Variants in AP4M1 observed in about 807,000 individuals in gnomAD.
AP4M1 encodes AP-4 complex subunit mu-1.
A neutral mutation model predicts 62.4 loss-of-function variants in AP4M1; 58 were observed. The ratio of observed to expected loss-of-function variants is 0.93; its 90% CI spans 0.75 to 1.16. The LOEUF (loss-of-function observed/expected upper bound fraction) is 1.16, where lower values mean the gene tolerates loss of function less well. AP4M1 is among the 50% of genes most tolerant of loss of function. The pLI, the probability that AP4M1 is intolerant of heterozygous loss-of-function variation, is 0.00. For synonymous variants in AP4M1, 290 were observed against 239.7 expected (o/e 1.21, Z -1.94); for missense variants, 626 against 585.4 (o/e 1.07, Z -0.72).
chr7:100,106,166 G>C, intron 12 of AP4M1, 75 bp from the exon 13 acceptor site: 2 of 1,584,444 alleles, frequency 1.3e-6, no homozygotes, highest in Non-Finnish European at 1.7e-6. Context: ...CTGAAATCCT[G>C]TTATGACATT....
Position 100,107,648 on chromosome 7 carries a change from G to T in AP4M1, c.*766G>T. ...CCTGGATAGAAAGGAAAGGCAGGCCGCTTGCCCTGTGCCCTCCCTGCCCCC... is the reference window on the plus strand; with the variant it reads ...CCTGGATAGAAAGGAAAGGCAGGCCTCTTGCCCTGTGCCCTCCCTGCCCCC... On this transcript the variant is annotated 3_prime_UTR_variant, in exon 15 of 15. Transcript: ENST00000359593. 1 of 1,604,974 alleles carries T rather than the reference G, an allele frequency of 6.2e-7. No individual in the cohort carries two copies.
upstream of AP4M1, chr7:100,101,483 GC>G (rs1214433202): frequency 2.5e-6 from 2 of 814,624 alleles, no homozygotes; most frequent in Middle Eastern, 3.4e-4. Context: ...CCCGCTAGCC[GC>G]AAGCCAATCA....
intron 10 of AP4M1, 44 bp downstream of exon 10, chr7:100,105,390 A>AG (rs1562909936): frequency 1.2e-6 from 2 of 1,612,334 alleles, no homozygotes; most frequent in East Asian, 4.5e-5. Context: ...ACCATGGGGA[A>AG]GGGGGCAGTG....
intron 13 of AP4M1, 35 bp from the exon 14 acceptor site, chr7:100,106,368 T>C: frequency 6.2e-7 from 1 of 1,612,836 alleles, no homozygotes; most frequent in Non-Finnish European, 8.5e-7. Flanking sequence ...CTCAAGAAGG[T>C]GCCAAGCCCA....
At position 100,106,921 on chromosome 7, in the gene AP4M1, T is replaced by G; in HGVS notation, c.*39T>G. On this transcript the variant is annotated 3_prime_UTR_variant, in exon 15 of 15. Transcript: ENST00000359593. ...AGGACACGACGGCCAAGGTGGCAGT[T>G]TGTCCCACGGGAGGACAGTCGTTTC... 1 of 1,591,244 alleles carries G rather than the reference T, an allele frequency of 6.3e-7. No individual in the cohort carries two copies. The highest frequency in any genetic ancestry group is 8.5e-7 in the Non-Finnish European group (1 of 1,170,454).
chr7:100,107,278 G>A lies in AP4M1; in HGVS notation c.*396G>A, dbSNP rs753796652. The A allele has an allele frequency of 6.6e-6, 10 of 1,524,162 alleles. No homozygotes were observed. The highest frequency in any genetic ancestry group is 2.2e-5 in the Admixed American group (1 of 45,038). The allele number at this position is 1,524,162 out of a possible 1,614,324, so 94.4% of individuals were successfully genotyped here. ...GCAGGCTGAGGGGAGCCGGAGTTGG[G>A]CTGGGAGCCATTGGCTTTTGGAGTC... On this transcript the variant is annotated 3_prime_UTR_variant, in exon 15 of 15. Transcript: ENST00000359593.
Position 100,107,697 on chromosome 7 carries a change from A to C in AP4M1, c.*815A>C, listed in dbSNP as rs4134927. The stretch of plus-strand genomic sequence containing the variant: ...CCCAGAGGCCTGGCGAGGACGCTTC[A>C]CTCGCTCCCTGCCTGAACAAGTTGT... On this transcript the variant is annotated 3_prime_UTR_variant, in exon 15 of 15. Transcript: ENST00000359593. 0.043 allele frequency: 67,367 copies of C among 1,561,990 alleles called. 1,519 individuals carry two copies. The highest frequency in any genetic ancestry group is 0.056 in the Middle Eastern group (240 of 4,308).
Position 100,108,318 on chromosome 7 carries a change from G to T in AP4M1, c.*1436G>T. 6.4e-7 allele frequency: 1 copy of T among 1,553,018 alleles called. No individual in the cohort carries two copies. Among genetic ancestry groups the T allele is most frequent in the Non-Finnish European group, 8.7e-7 (1 of 1,150,532 alleles). On this transcript the variant is annotated 3_prime_UTR_variant, in exon 15 of 15. Coordinates refer to ENST00000359593, the MANE Select transcript of AP4M1 (RefSeq NM_004722.4). ...GTGTGCAAGTGCCTGTCCCACACAG[G>T]GGTTCTCCTCTGCTTCCTCCTATTC...
Position 100,102,198 on chromosome 7 carries a change from T to A in AP4M1, c.147+230T>A, listed in dbSNP as rs374322033. The A allele has an allele frequency of 1.3e-5, 8 of 625,296 alleles. No homozygotes were observed. In the East Asian group the frequency reaches 1.4e-4, roughly 11 times the overall value. The allele number at this position is 625,296 out of a possible 1,614,324, so 38.7% of individuals were successfully genotyped here. The stretch of plus-strand genomic sequence containing the variant: ...GAGTTCGAAATCAGCCTGGCCAACA[T>A]GGTGAAACTCCGCCTCTACTAAAAA... On this transcript the variant is annotated intron_variant, in intron 2 of 14. Transcript: ENST00000359593.
Position 100,104,280 on chromosome 7 carries a change from G to A in AP4M1, c.606+126G>A. ...TGCTTGTAATCCCAGTGCTTTGGGA[G>A]GCCGAGGTGGGAGAATTACTTGGGG... On this transcript the variant is annotated intron_variant, in intron 7 of 14. Transcript: ENST00000359593. The A allele has an allele frequency of 4.9e-6, 4 of 822,600 alleles. No individual in the cohort carries two copies. In the Admixed American group the frequency reaches 6.0e-5, roughly 12 times the overall value. 51.0% of individuals were successfully genotyped at this position (822,600 alleles called of 1,614,324 possible). A position where few individuals can be genotyped will look rare whatever the true frequency, so the allele number is the denominator to read the frequency against.
rs772854398 is a variant in AP4M1 at position 100,102,908 on chromosome 7, G to T, written c.299G>T (p.Gly100Val). Residue 100 changes from glycine to valine, a missense_variant, in exon 4 of 15, where the codon GGG becomes GTG. Transcript: ENST00000359593. Reference sequence around the variant, plus strand: ...GATTACTGTGGCTCCCTGGGCGAGGGGACCATCTCCCGCAATGTGGCTCTG... The same window carrying T: ...GATTACTGTGGCTCCCTGGGCGAGGTGACCATCTCCCGCAATGTGGCTCTG... ...LGDYCGSLGE[G>V]TISRNVALVY... is the part of the protein sequence containing the mutation. 4 of 1,613,908 alleles carry T rather than the reference G, an allele frequency of 2.5e-6. No individual in the cohort carries two copies. The Admixed American group carries it at 6.7e-5, about 27-fold the overall frequency.
In AP4M1 at chr7:100,102,683, T is replaced by C; in HGVS notation, c.156T>C (p.His52=). 6.2e-7 allele frequency: 1 copy of C among 1,614,086 alleles called. No individual in the cohort carries two copies. Among genetic ancestry groups the C allele is most frequent in the Non-Finnish European group, 8.5e-7 (1 of 1,179,974 alleles). The change falls in exon 3 of 15, where the codon CAT becomes CAC. Residue 52 remains histidine (H), a synonymous_variant. Transcript: ENST00000359593. Reference sequence around the variant, plus strand: ...CCCTGCCTGTGTCTCAGCATCACCATGGCCGTCATTTCATTCACATCAGAC... The same window carrying C: ...CCCTGCCTGTGTCTCAGCATCACCACGGCCGTCATTTCATTCACATCAGAC... ...GDESPVVMHH[H]GRHFIHIRHS...
At chr7:100,101,317 G>C (rs1407584580), upstream of AP4M1, 3 of 1,613,010 alleles carry the variant, frequency 1.9e-6, no homozygotes, top group Middle Eastern at 1.6e-4. Context: ...CCGTGCGGCC[G>C]CGCTTGGCGG....
At chr7:100,103,547 G>A in intron 5 of AP4M1, 28 bp downstream of exon 5, 2 of 1,613,876 alleles carry the variant, frequency 1.2e-6, no homozygotes, top group Non-Finnish European at 8.5e-7. Context: ...GGAGGGTGAG[G>A]AAAGAGAAGA....
In AP4M1 at chr7:100,105,485, C is replaced by T. The variant is rs979414211; in HGVS notation, c.875C>T (p.Ser292Leu). Residue 292 changes from serine to leucine, a missense_variant, in exon 11 of 15, where the codon TCA becomes TTA. Transcript: ENST00000359593. The stretch of plus-strand genomic sequence containing the variant: ...TACCAACTCTCCGATGACCTCCCCT[C>T]ACCGCTCCCCTTCCGGCTCTTCCCC... ...MRYQLSDDLP[S>L]PLPFRLFPSV... 8 of 1,613,962 alleles carry T rather than the reference C, an allele frequency of 5.0e-6. No homozygotes were observed. Among genetic ancestry groups the T allele is most frequent in the East Asian group, 2.2e-5 (1 of 44,892 alleles).
rs1796043659 is a variant in AP4M1 at position 100,101,665 on chromosome 7, C to CG, written c.-46dup. ...GTTCTTTTGTTCCGGGGCCGCAGGG[C>CG]GGGGCAGGCCCGACTTTCGCCGTCT... On this transcript the variant is annotated 5_prime_UTR_variant, in exon 1 of 15. Coordinates refer to ENST00000359593, the MANE Select transcript of AP4M1 (RefSeq NM_004722.4). 1 of 1,546,802 alleles carries CG rather than the reference C, an allele frequency of 6.5e-7. No individual in the cohort carries two copies. Among genetic ancestry groups the CG allele is most frequent in the African/African-American group, 1.4e-5 (1 of 73,574 alleles).
chr7:100,107,802 G>A lies in AP4M1; in HGVS notation c.*920G>A, dbSNP rs1796700920. 21 of 1,389,618 alleles carry A rather than the reference G, an allele frequency of 1.5e-5. No homozygotes were observed. Among genetic ancestry groups the A allele is most frequent in the Non-Finnish European group, 2.0e-5 (21 of 1,036,512 alleles). 86.1% of individuals were successfully genotyped at this position (1,389,618 alleles called of 1,614,324 possible). A position where few individuals can be genotyped will look rare whatever the true frequency, so the allele number is the denominator to read the frequency against. On this transcript the variant is annotated 3_prime_UTR_variant, in exon 15 of 15. Transcript: ENST00000359593. ...AGCTACAGCCCTGCAGGACCCTGGT[G>A]GGCGCCTCTTCCAGCTCTTGACTTG...
At chr7:100,104,274 T>G in intron 7 of AP4M1, 120 bp downstream of exon 7, 1 of 875,818 alleles carries the variant, frequency 1.1e-6, no homozygotes, top group South Asian at 1.4e-5. Context: ...TCCCAGTGCT[T>G]TGGGAGGCCG....
chr7:100,104,133 G>A lies in AP4M1; in HGVS notation c.585G>A (p.Leu195=), dbSNP rs1324206692. 11 of 1,614,044 alleles carry A rather than the reference G, an allele frequency of 6.8e-6. No homozygotes were observed. The highest frequency in any genetic ancestry group is 9.3e-6 in the Non-Finnish European group (11 of 1,179,968). ...TTTTTTTGGATGTGGTCGAGAGATTGTCTGTACTGATAGCATCTAATGTAA... is the reference window on the plus strand; with the variant it reads ...TTTTTTTGGATGTGGTCGAGAGATTATCTGTACTGATAGCATCTAATGTAA... The part of the protein sequence containing the change: ...NEVFLDVVER[L]SVLIASNGSL... The change falls in exon 7 of 15, where the codon TTG becomes TTA. Residue 195 remains leucine (L), a synonymous_variant. Coordinates refer to ENST00000359593, the MANE Select transcript of AP4M1 (RefSeq NM_004722.4).
Sources: allele counts gnomAD v4.1 joint callset, GRCh38; gene constraint gnomAD v4.1.1; transcripts MANE v1.5; gene names NCBI Gene and HGNC (gene_info 2026-07-23, HGNC 2026-07-21).